Variants in PDSS2 observed in about 807,000 individuals in gnomAD.
PDSS2 encodes decaprenyl diphosphate synthase subunit 2, also known as all trans-polyprenyl-diphosphate synthase PDSS2.
Under a neutral mutation model 44.5 loss-of-function variants are expected in PDSS2, and 31 were observed. That is an observed-to-expected ratio of 0.70 (90% CI 0.52 to 0.94). PDSS2 has a LOEUF of 0.94. Among genes scored for constraint, PDSS2 ranks in the 40% least tolerant of loss-of-function variants. The pLI is 0.00. For missense variants in PDSS2, 452 were observed against 482.2 expected (o/e 0.94, Z 0.59); for synonymous variants, 157 against 180.3 (o/e 0.87, Z 1.03).
At chr6:107,168,738 C>T (rs1684573264) in intron 7 of PDSS2, among the ~76,000 whole-genome samples, 1 of 151,604 alleles carries the variant, frequency 6.6e-6, no homozygotes, top group African/African-American at 2.4e-5. Flanking sequence ...ACTTATGAAG[C>T]TTAGTTTGGC....
intron 1 of PDSS2, among the ~76,000 whole-genome samples, chr6:107,352,789 G>T (rs1368230212): frequency 6.6e-6 from 1 of 152,150 alleles, no homozygotes; most frequent in Non-Finnish European, 1.5e-5. Context: ...CCTTGGGGGT[G>T]GAGGGGTACT....
chr6:107,358,398 G>T (rs908842859), intron 1 of PDSS2, among the ~76,000 whole-genome samples: 2 of 152,088 alleles, frequency 1.3e-5, no homozygotes, highest in African/African-American at 4.8e-5. Context: ...ACCTATTTTT[G>T]ATGTTATTTC....
intron 4 of PDSS2, among the ~76,000 whole-genome samples, chr6:107,228,743 C>T (rs544828284): frequency 7.1e-6 from 1 of 140,158 alleles, no homozygotes; most frequent in East Asian, 2.3e-4. Context: ...AACAAACAAA[C>T]AAACAAAACA....
At chr6:107,213,868 G>C (rs894458986) in intron 4 of PDSS2, among the ~76,000 whole-genome samples, 3 of 152,008 alleles carry the variant, frequency 2.0e-5, no homozygotes, top group African/African-American at 7.3e-5. Context: ...AAGAAACAAG[G>C]TGTAAAAGAG....
chr6:107,346,189 T>C (rs536497787), intron 1 of PDSS2, among the ~76,000 whole-genome samples: 2 of 152,356 alleles, frequency 1.3e-5, no homozygotes, highest in South Asian at 2.1e-4. Flanking sequence ...TGGAATAAAT[T>C]ACATACAGGT....
At chr6:107,266,378 CCT>C (rs925308066) in intron 3 of PDSS2, among the ~76,000 whole-genome samples, 1 of 149,170 alleles carries the variant, frequency 6.7e-6, no homozygotes, top group African/African-American at 2.5e-5. Flanking sequence ...AAAGTGAACC[CCT>C]GAGGCATTTT....
Position 107,447,056 on chromosome 6 carries a change from G to C in PDSS2, c.296+11934C>G, listed in dbSNP as rs193284083. On this transcript the variant is annotated intron_variant, in intron 1 of 7. Coordinates refer to ENST00000369037, the MANE Select transcript of PDSS2 (RefSeq NM_020381.4). ...TGAGCCTATAAAATCAAAAGCGGCC[G>C]GGCGCAGTGGCTCACGCCTGTAATC... Among the ~76,000 whole-genome samples the C allele has an allele frequency of 2.0e-5, 3 of 152,196 alleles. No homozygotes were observed. In the East Asian group the frequency reaches 5.8e-4, roughly 29 times the overall value.
At chr6:107,355,344 G>A (rs1778565214) in intron 1 of PDSS2, among the ~76,000 whole-genome samples, 1 of 152,150 alleles carries the variant, frequency 6.6e-6, no homozygotes, top group Non-Finnish European at 1.5e-5. Flanking sequence ...TTTGGGTGAT[G>A]TACAGTATAT....
At chr6:107,385,677 C>T (rs1190449701) in intron 1 of PDSS2, among the ~76,000 whole-genome samples, 2 of 151,978 alleles carry the variant, frequency 1.3e-5, no homozygotes, top group African/African-American at 2.4e-5. Flanking sequence ...TACCACAGGA[C>T]ATTAAAACCA....
At chr6:107,258,815 T>G (rs1198439534) in intron 3 of PDSS2, among the ~76,000 whole-genome samples, 2 of 151,932 alleles carry the variant, frequency 1.3e-5, no homozygotes, top group Admixed American at 6.6e-5. Flanking sequence ...AAAAAAAAAG[T>G]TTCATGAAGC....
At chr6:107,364,613 G>A (rs1027048989) in intron 1 of PDSS2, among the ~76,000 whole-genome samples, 41 of 152,162 alleles carry the variant, frequency 2.7e-4, no homozygotes, top group Non-Finnish European at 1.2e-4. Context: ...CCCGGTTCCC[G>A]CTGGTGCCTC....
At chr6:107,393,904 T>C (rs1779859564) in intron 1 of PDSS2, among the ~76,000 whole-genome samples, 1 of 152,228 alleles carries the variant, frequency 6.6e-6, no homozygotes, top group Non-Finnish European at 1.5e-5. Flanking sequence ...TCAGCTTTCT[T>C]GCTATTTGTT....
intron 2 of PDSS2, among the ~76,000 whole-genome samples, chr6:107,324,782 G>A (rs1318672091): frequency 6.6e-6 from 1 of 152,074 alleles, no homozygotes; most frequent in Non-Finnish European, 1.5e-5. Context: ...TGATCAACAT[G>A]TTCTGCCTTA....
chr6:107,184,901 G>C (rs1314885863), intron 7 of PDSS2, among the ~76,000 whole-genome samples: 1 of 151,424 alleles, frequency 6.6e-6, no homozygotes, highest in Non-Finnish European at 1.5e-5. Context: ...ATCCTCATAA[G>C]AGGACATTTA....
intron 4 of PDSS2, among the ~76,000 whole-genome samples, chr6:107,220,382 A>C (rs572379253): frequency 5.9e-5 from 9 of 152,182 alleles, no homozygotes; most frequent in South Asian, 2.1e-4. Flanking sequence ...TGCAAAAAAA[A>C]CCCATTTATT....
In PDSS2 at chr6:107,199,828, T is replaced by C. The variant is rs149971869; in HGVS notation, c.1009-5974A>G. On this transcript the variant is annotated intron_variant, in intron 6 of 7. Transcript: ENST00000369037. ...CTAGTTCTAGGAAAGCTGGATGTTT[T>C]TGTTTGTGAGCTAGTATGCAGGTAA... 2.8e-3 allele frequency among the ~76,000 whole-genome samples: 432 copies of C among 152,330 alleles called. 1 individual carries two copies. The highest frequency in any genetic ancestry group is 0.012 in the East Asian group (61 of 5,188).
At chr6:107,204,162 C>A (rs184173451) in intron 6 of PDSS2, among the ~76,000 whole-genome samples, 18 of 152,100 alleles carry the variant, frequency 1.2e-4, no homozygotes, top group Admixed American at 1.1e-3. Context: ...AGGATGGTCT[C>A]GATCTCCTGA....
intron 7 of PDSS2, among the ~76,000 whole-genome samples, chr6:107,161,744 G>C (rs1222424037): frequency 6.6e-6 from 1 of 152,158 alleles, no homozygotes; most frequent in African/African-American, 2.4e-5. Context: ...AATATTCACA[G>C]TTTGGCCTTT....
At chr6:107,299,383 T>G (rs1776621929) in intron 2 of PDSS2, among the ~76,000 whole-genome samples, 1 of 152,054 alleles carries the variant, frequency 6.6e-6, no homozygotes, top group Admixed American at 6.6e-5. Context: ...TACTAAAAGT[T>G]AAAAAATGTT....
Sources: gnomAD v4.1 joint callset for allele counts (sites outside exome capture counted in the v4.1 genomes callset) on GRCh38, gnomAD v4.1.1 for gene constraint, MANE v1.5 for transcripts, NCBI Gene and HGNC (gene_info 2026-07-23, HGNC 2026-07-21) for gene names.